The following ASXL2 variants were observed in gnomAD, a reference collection of about 807,000 sequenced individuals.
The protein encoded by ASXL2 is ASXL transcriptional regulator 2.
ASXL2 carries 23 observed loss-of-function variants against 122.0 expected under a neutral mutation model. The ratio of observed to expected loss-of-function variants is 0.19; its 90% CI spans 0.14 to 0.27. The LOEUF is 0.27. Ranked by LOEUF, ASXL2 falls within the 10% of genes least tolerant of loss-of-function variation. The probability of loss-of-function intolerance (pLI) is 1.00; values close to 1 mark genes in which losing one functional copy is unlikely to be tolerated. For missense variants in ASXL2, 1,518 were observed against 1,713.8 expected (o/e 0.89, Z 2.02); for synonymous variants, 650 against 637.0 (o/e 1.02, Z -0.31).
chr2:25,829,277 GACACAT>G (rs1011199386), intron 3 of ASXL2, among the ~76,000 whole-genome samples: 3 of 149,324 alleles, frequency 2.0e-5, no homozygotes, highest in East Asian at 1.9e-4. Flanking sequence ...CAGAAAGGGA[GACACAT>G]ACACATACAC....
intron 2 of ASXL2, among the ~76,000 whole-genome samples, chr2:25,844,200 CAT>C (rs2089622295): frequency 6.6e-6 from 1 of 152,164 alleles, no homozygotes; most frequent in Non-Finnish European, 1.5e-5. Flanking sequence ...GAAAATCTAA[CAT>C]AGACTCCCAA....
chr2:25,825,662 C>T lies in ASXL2; in HGVS notation c.143+9876G>A, dbSNP rs565061768. Among the ~76,000 whole-genome samples the T allele has an allele frequency of 3.3e-5, 5 of 152,298 alleles. No individual in the cohort carries two copies. In the South Asian group the frequency reaches 1.0e-3, roughly 32 times the overall value. On this transcript the variant is annotated intron_variant, in intron 3 of 12. Coordinates refer to ENST00000435504, the MANE Select transcript of ASXL2 (RefSeq NM_018263.6). ...AATATTCCATTGAATATATATGCTA[C>T]ATTTTGTTCAGCCATCCATCCACCC...
At chr2:25,751,769 A>C (rs2088049356) in intron 11 of ASXL2, among the ~76,000 whole-genome samples, 1 of 152,176 alleles carries the variant, frequency 6.6e-6, no homozygotes, top group South Asian at 2.1e-4. Flanking sequence ...AAAATATAGA[A>C]AAATCAGTTT....
intron 3 of ASXL2, among the ~76,000 whole-genome samples, chr2:25,824,458 T>C (rs1224933294): frequency 6.6e-6 from 1 of 151,658 alleles, no homozygotes; most frequent in Non-Finnish European, 1.5e-5. Context: ...CAAATGACAG[T>C]CTCTTTACTA....
intron 2 of ASXL2, 81 bp downstream of exon 2, chr2:25,845,400 G>A: frequency 1.5e-6 from 2 of 1,338,742 alleles, no homozygotes; most frequent in South Asian, 1.4e-5. Flanking sequence ...TTAATCTTCA[G>A]GACTAAAGTA....
At chr2:25,847,795 CA>C (rs2089666317) in intron 1 of ASXL2, among the ~76,000 whole-genome samples, 1 of 151,884 alleles carries the variant, frequency 6.6e-6, no homozygotes, top group Non-Finnish European at 1.5e-5. Flanking sequence ...TCTGGGACTT[CA>C]AAAAATATAC....
chr2:25,839,245 C>A (rs936869672), intron 2 of ASXL2, among the ~76,000 whole-genome samples: 1 of 152,104 alleles, frequency 6.6e-6, no homozygotes, highest in Non-Finnish European at 1.5e-5. Flanking sequence ...ATATTTTAGC[C>A]ACAGAAAATT....
At chr2:25,811,148 G>T (rs892315920) in intron 3 of ASXL2, among the ~76,000 whole-genome samples, 3 of 151,294 alleles carry the variant, frequency 2.0e-5, no homozygotes, top group Non-Finnish European at 4.4e-5. Context: ...AGCTACTTTG[G>T]AGGCTGAGGC....
At position 25,743,055 on chromosome 2, in the gene ASXL2, A is replaced by C. The variant is rs774520718; in HGVS notation, c.3282T>G (p.Gly1094=). 1.9e-6 allele frequency: 3 copies of C among 1,613,970 alleles called. No homozygotes were observed. The highest frequency in any genetic ancestry group is 2.5e-6 in the Non-Finnish European group (3 of 1,179,894). ...TTGTGGAGATGTCTTCCAGCTGGAA[A>C]CCTGAGTGAGCGAAGTTGAACTGTG... ...PPSQFNFAHS[G]FQLEDISTSQ... The change falls in exon 13 of 13, where the codon GGT becomes GGG. Residue 1094 remains glycine, a synonymous_variant. Transcript: ENST00000435504.
intron 1 of ASXL2, among the ~76,000 whole-genome samples, chr2:25,862,720 C>T (rs1202127003): frequency 6.6e-6 from 1 of 152,102 alleles, no homozygotes; most frequent in African/African-American, 2.4e-5. Context: ...CTGCCTCAGC[C>T]TCCCAAGTAG....
At chr2:25,777,822 A>T (rs1484456018) in intron 5 of ASXL2, among the ~76,000 whole-genome samples, 2 of 152,002 alleles carry the variant, frequency 1.3e-5, no homozygotes, top group Non-Finnish European at 2.9e-5. Flanking sequence ...TCCTACCTAA[A>T]CTCCTCAAAT....
chr2:25,762,811 G>T (rs545739974), intron 8 of ASXL2, among the ~76,000 whole-genome samples: 1 of 152,062 alleles, frequency 6.6e-6, no homozygotes, highest in African/African-American at 2.4e-5. Flanking sequence ...GCCTGTCATT[G>T]GGTTGAAACC....
intron 3 of ASXL2, among the ~76,000 whole-genome samples, chr2:25,817,595 A>T (rs1187320606): frequency 6.6e-6 from 1 of 152,202 alleles, no homozygotes; most frequent in East Asian, 1.9e-4. Flanking sequence ...TATTGAAGTA[A>T]ATAGTCCGGA....
At chr2:25,859,058 G>A (rs528011952) in intron 1 of ASXL2, among the ~76,000 whole-genome samples, 2 of 151,870 alleles carry the variant, frequency 1.3e-5, no homozygotes, top group African/African-American at 2.4e-5. Flanking sequence ...CAGGTGATCT[G>A]CCTGCCTTGG....
intron 1 of ASXL2, among the ~76,000 whole-genome samples, chr2:25,871,291 AG>A (rs934677719): frequency 2.6e-5 from 4 of 152,078 alleles, no homozygotes; most frequent in Admixed American, 6.5e-5. Context: ...GCTTTCGTAG[AG>A]GGGGGGAAAA....
In ASXL2 at chr2:25,778,399, G is replaced by C. The variant is rs555475893; in HGVS notation, c.404-6859C>G. Reference sequence around the variant, plus strand: ...CAAGAAAAAGGTTAGAGAAAGCAAGGAGCAGATTCCCCCCAGAGCCTCTGT... The same window carrying C: ...CAAGAAAAAGGTTAGAGAAAGCAAGCAGCAGATTCCCCCCAGAGCCTCTGT... On this transcript the variant is annotated intron_variant, in intron 5 of 12. Coordinates refer to ENST00000435504, the MANE Select transcript of ASXL2 (RefSeq NM_018263.6). 4.6e-5 allele frequency among the ~76,000 whole-genome samples: 7 copies of C among 152,256 alleles called. No individual in the cohort carries two copies. The South Asian group carries it at 1.4e-3, about 32-fold the overall frequency.
intron 3 of ASXL2, among the ~76,000 whole-genome samples, chr2:25,834,301 C>G (rs113360717): frequency 7.2e-5 from 11 of 151,810 alleles, no homozygotes; most frequent in Admixed American, 2.0e-4. Flanking sequence ...TGCAGTGAGC[C>G]GAGACCATGC....
intron 5 of ASXL2, among the ~76,000 whole-genome samples, chr2:25,787,978 T>A (rs2149165439): frequency 6.6e-6 from 1 of 152,148 alleles, no homozygotes; most frequent in East Asian, 1.9e-4. Context: ...GGATTAATAA[T>A]AAAGCTAAAG....
At chr2:25,756,465 G>GAAAAAAAAAGAAAAAAAAAAAAAA (rs2088136770) in intron 9 of ASXL2, among the ~76,000 whole-genome samples, 2 of 91,420 alleles carry the variant, frequency 2.2e-5, no homozygotes, top group Non-Finnish European at 4.5e-5. Flanking sequence ...AAAAAAAAAA[G>GAAAAAAAAAGAAAAAAAAAAAAAA]AAAAAAAAAA....
Sources: allele counts gnomAD v4.1 joint callset (sites outside exome capture counted in the v4.1 genomes callset), GRCh38; gene constraint gnomAD v4.1.1; transcripts MANE v1.5; gene names NCBI Gene and HGNC (gene_info 2026-07-23, HGNC 2026-07-21).